The following NXN variants were observed in gnomAD, a reference collection of about 807,000 sequenced individuals.
NXN encodes the protein nucleoredoxin 1.
Under a neutral mutation model 48.6 loss-of-function variants are expected in NXN, and 16 were observed. That is an observed-to-expected ratio of 0.33 (90% CI 0.22 to 0.50). NXN has a LOEUF of 0.50. Ranked by LOEUF, NXN falls within the 20% of genes least tolerant of loss-of-function variation. The pLI, the probability that NXN is intolerant of heterozygous loss-of-function variation, is 0.98. For synonymous variants in NXN, 281 were observed against 269.6 expected, an observed-to-expected ratio of 1.04 and a Z score of -0.41; for missense variants, 492 against 605.5, an observed-to-expected ratio of 0.81 and a Z score of 1.97.
chr17:979,418 C>A lies in NXN; in HGVS notation c.261G>T (p.Glu87Asp). The A allele has an allele frequency of 7.3e-7, 1 of 1,369,030 alleles. No homozygotes were observed. Among genetic ancestry groups the A allele is most frequent in the Non-Finnish European group, 9.5e-7 (1 of 1,047,136 alleles). The allele number at this position is 1,369,030 out of a possible 1,614,324, so 84.8% of individuals were successfully genotyped here. A position where few individuals can be genotyped will look rare whatever the true frequency, so the allele number is the denominator to read the frequency against. ...CCTGGTCCGAGGACACGAAGACGAT[C>A]TCCAGGCGCCGCCGCGGCTCGGGCT... The part of the protein sequence containing the change: ...AAEPEPRRRL[E>D]IVFVSSDQDQ... Residue 87 changes from glutamate (E) to aspartate (D), a missense_variant, in exon 1 of 8, where the codon GAG (glutamate) becomes GAT (aspartate). Glu to Asp is a conservative substitution (Grantham distance 45). Coordinates refer to ENST00000336868, the MANE Select transcript of NXN (RefSeq NM_022463.5).
chr17:939,560 G>A (rs1459294544), intron 1 of NXN, among the ~76,000 whole-genome samples: 1 of 152,050 alleles, frequency 6.6e-6, no homozygotes, highest in Non-Finnish European at 1.5e-5. Context: ...TGGCCAGGCT[G>A]GTCTCAAACT....
At chr17:895,258 CT>C (rs142625031) in intron 1 of NXN, among the ~76,000 whole-genome samples, 15,143 of 151,500 alleles carry the variant, frequency 0.1, 988 homozygotes, top group South Asian at 0.23. Context: ...CTCAGGTGAT[CT>C]GCCTGCCCCA....
rs1275996797 is a variant in NXN, at chr17:920,213, C to T, written c.360+59106G>A. Among the ~76,000 whole-genome samples the T allele has an allele frequency of 6.6e-6, 1 of 152,144 alleles. No homozygotes were observed. The highest frequency in any genetic ancestry group is 1.9e-4 in the East Asian group (1 of 5,180). ...TCACGCCCAGTCTACACCCCGAAATCCAACATTACAAACTTATCAATGCTG... is the reference window on the plus strand; with the variant it reads ...TCACGCCCAGTCTACACCCCGAAATTCAACATTACAAACTTATCAATGCTG... On this transcript the variant is annotated intron_variant, in intron 1 of 7. Transcript: ENST00000336868. This position sits in a 1 kb window ranked among gnomAD's most constrained non-coding sequence, Gnocchi z 4.6.
At chr17:854,998 G>T (rs1172312641) in intron 1 of NXN, among the ~76,000 whole-genome samples, 2 of 151,786 alleles carry the variant, frequency 1.3e-5, no homozygotes, top group Non-Finnish European at 2.9e-5. Flanking sequence ...TATAGAAGCT[G>T]AGTGCAGAGG....
rs139496895 is a variant in NXN at position 840,656 on chromosome 17, C to T, written c.361-14578G>A. Among the ~76,000 whole-genome samples the T allele has an allele frequency of 1.8e-3, 281 of 151,920 alleles. 2 individuals are homozygous for T. Among genetic ancestry groups the T allele is most frequent in the African/African-American group, 6.3e-3 (261 of 41,418 alleles). On this transcript the variant is annotated intron_variant, in intron 1 of 7. Coordinates refer to ENST00000336868, the MANE Select transcript of NXN (RefSeq NM_022463.5). ...GCCCGGCCGGCGTGCAGACTTCTTA[C>T]GTCTTAAGAGCCTCACTTCACCGGC... is the stretch of plus-strand genomic sequence containing the variant.
intron 1 of NXN, among the ~76,000 whole-genome samples, chr17:833,881 G>T (rs191295323): frequency 6.6e-6 from 1 of 152,106 alleles, no homozygotes; most frequent in Admixed American, 6.6e-5. Context: ...AGTGAAGAGC[G>T]GGTGATTAAA....
chr17:958,998 A>C lies in NXN; in HGVS notation c.360+20321T>G. 4.6e-6 allele frequency: 1 copy of C among 217,488 alleles called. No homozygotes were observed. 13.5% of individuals were successfully genotyped at this position (217,488 alleles called of 1,614,324 possible). On this transcript the variant is annotated intron_variant, in intron 1 of 7. Coordinates refer to ENST00000336868, the MANE Select transcript of NXN (RefSeq NM_022463.5). The surrounding 1 kb of genome is among the most constrained non-coding windows in gnomAD (Gnocchi z 6.9). ...GATACGAGTTCTTTCATCTTGCAAG[A>C]AAGAATCATGCGGATGTGCGCGGAG...
At chr17:962,477 G>C (rs1425377018) in intron 1 of NXN, among the ~76,000 whole-genome samples, 4 of 152,072 alleles carry the variant, frequency 2.6e-5, no homozygotes, top group Admixed American at 2.6e-4. Flanking sequence ...AGACCAGCCT[G>C]GACAACACGG....
intron 1 of NXN, among the ~76,000 whole-genome samples, chr17:943,793 C>T (rs1250106699): frequency 6.6e-6 from 1 of 151,350 alleles, no homozygotes; most frequent in African/African-American, 2.4e-5. Context: ...CCACTGCACT[C>T]CAGCCTGAGT....
At chr17:816,199 A>G (rs887864914) in intron 5 of NXN, among the ~76,000 whole-genome samples, 1 of 152,164 alleles carries the variant, frequency 6.6e-6, no homozygotes, top group Non-Finnish European at 1.5e-5. Flanking sequence ...TCCAGTTACA[A>G]TCAGGCAGTC....
intron 7 of NXN, among the ~76,000 whole-genome samples, chr17:802,723 G>C (rs1321013025): frequency 6.6e-6 from 1 of 152,184 alleles, no homozygotes; most frequent in Non-Finnish European, 1.5e-5. Context: ...GCAGGTGACT[G>C]GAGCCGCCTG....
intron 5 of NXN, among the ~76,000 whole-genome samples, chr17:812,613 TGA>T (rs1436189612): frequency 6.7e-5 from 10 of 148,674 alleles, no homozygotes; most frequent in South Asian, 2.1e-4. Flanking sequence ...GTGCATTGTG[TGA>T]GTGTAGGTGA....
At chr17:833,183 AC>A (rs1182476520) in intron 1 of NXN, among the ~76,000 whole-genome samples, 1 of 151,978 alleles carries the variant, frequency 6.6e-6, no homozygotes, top group African/African-American at 2.4e-5. Context: ...GAGCCACCGC[AC>A]CCGGCCGAAA....
chr17:829,296 C>T (rs1462652731), intron 1 of NXN, among the ~76,000 whole-genome samples: 1 of 151,872 alleles, frequency 6.6e-6, no homozygotes, highest in Non-Finnish European at 1.5e-5. Flanking sequence ...GCTGGGATTA[C>T]AGGCATGCAC....
At chr17:928,752 C>T (rs2068825578) in intron 1 of NXN, among the ~76,000 whole-genome samples, 1 of 152,096 alleles carries the variant, frequency 6.6e-6, no homozygotes, top group Admixed American at 6.6e-5. Context: ...GGGAGAATCG[C>T]TTGAACCCGG....
chr17:897,081 T>A, intron 1 of NXN: 1 of 1,061,396 alleles, frequency 9.4e-7, no homozygotes, highest in Non-Finnish European at 1.1e-6. Context: ...AGCCAGGGAC[T>A]GGTAACCCAC....
intron 1 of NXN, among the ~76,000 whole-genome samples, chr17:838,496 G>C (rs913824542): frequency 6.6e-6 from 1 of 152,208 alleles, no homozygotes; most frequent in African/African-American, 2.4e-5. Flanking sequence ...CGACAGAGCT[G>C]AATCAGCTGT....
intron 5 of NXN, among the ~76,000 whole-genome samples, chr17:807,450 C>T (rs1344461376): frequency 6.6e-6 from 1 of 152,208 alleles, no homozygotes; most frequent in Non-Finnish European, 1.5e-5. Context: ...GGCAAAGCTG[C>T]CCATTTCCCG....
intron 1 of NXN, among the ~76,000 whole-genome samples, chr17:842,181 G>C (rs1340312095): frequency 6.6e-6 from 1 of 151,976 alleles, no homozygotes; most frequent in Non-Finnish European, 1.5e-5. Context: ...AATTAAACCT[G>C]CTCGACATCC....
Sources: gnomAD v4.1 joint callset for allele counts (sites outside exome capture counted in the v4.1 genomes callset) on GRCh38, gnomAD v4.1.1 for gene constraint, Gnocchi (gnomAD v3.1) non-coding constraint, MANE v1.5 for transcripts, NCBI Gene and HGNC (gene_info 2026-07-23, HGNC 2026-07-21) for gene names.